The following PSMD4 variants were observed in gnomAD, a reference collection of about 807,000 sequenced individuals.
PSMD4 encodes proteasome 26S subunit ubiquitin receptor, non-ATPase 4.
In PSMD4, 5 loss-of-function variants were observed where a neutral mutation model predicts 39.7. The observed-to-expected ratio is 0.13, with a 90% CI of 0.07 to 0.26. PSMD4 has a LOEUF of 0.26. Ranked by LOEUF, PSMD4 falls within the 10% of genes least tolerant of loss-of-function variation. The pLI, the probability that PSMD4 is intolerant of heterozygous loss-of-function variation, is 1.00. For missense variants in PSMD4, 272 were observed against 486.1 expected, an observed-to-expected ratio of 0.56 and a Z score of 4.14; for synonymous variants, 143 against 174.6, an observed-to-expected ratio of 0.82 and a Z score of 1.43.
intron 1 of PSMD4, among the ~76,000 whole-genome samples, chr1:151,256,371 ATAAAT>A (rs1319142203): frequency 4.2e-5 from 6 of 141,698 alleles, no homozygotes; most frequent in Non-Finnish European, 9.6e-5. Flanking sequence ...AATAAAATAA[ATAAAT>A]AAATAAATAA....
At chr1:151,265,638 C>T in intron 6 of PSMD4, 29 bp downstream of exon 6, 1 of 1,599,734 alleles carries the variant, frequency 6.3e-7, no homozygotes, top group Non-Finnish European at 8.6e-7. Flanking sequence ...CAGGTAGAGT[C>T]CAAAGGTCCC....
Position 151,265,382 on chromosome 1 carries a change from T to C in PSMD4, c.439-12T>C, listed in dbSNP as rs1001068695. 1 of 1,613,614 alleles carries C rather than the reference T, an allele frequency of 6.2e-7. No individual in the cohort carries two copies. The highest frequency in any genetic ancestry group is 1.3e-5 in the African/African-American group (1 of 74,898). On this transcript the variant is annotated splice_polypyrimidine_tract_variant and intron_variant, in intron 5 of 9. Coordinates refer to ENST00000368884, the MANE Select transcript of PSMD4 (RefSeq NM_002810.4). ...GCCTGAAGAAGGGCATCATGTGTTCTTTCCTCCCCAGGAGGTGAACACAGA... is the reference window on the plus strand; with the variant it reads ...GCCTGAAGAAGGGCATCATGTGTTCCTTCCTCCCCAGGAGGTGAACACAGA...
intron 1 of PSMD4, among the ~76,000 whole-genome samples, chr1:151,255,548 G>T (rs923086001): frequency 6.6e-6 from 1 of 152,132 alleles, no homozygotes; most frequent in Non-Finnish European, 1.5e-5. Flanking sequence ...TTTTTGCAGG[G>T]TTTCAAGAGT....
chr1:151,257,029 G>A (rs1188242449), intron 1 of PSMD4, among the ~76,000 whole-genome samples: 2 of 150,414 alleles, frequency 1.3e-5, no homozygotes, highest in African/African-American at 2.5e-5. Context: ...CATTATAGGC[G>A]TGAGCCACTG....
Position 151,265,253 on chromosome 1 carries a change from G to A in PSMD4, c.438+19G>A. ...GGAAGAGGTGAGTAGGGACTGATTG[G>A]AGGGCATTGACTTAATTTGGTCATA... On this transcript the variant is annotated intron_variant, in intron 5 of 9. Coordinates refer to ENST00000368884, the MANE Select transcript of PSMD4 (RefSeq NM_002810.4). 9 of 1,609,146 alleles carry A rather than the reference G, an allele frequency of 5.6e-6. No individual in the cohort carries two copies. Among genetic ancestry groups the A allele is most frequent in the Non-Finnish European group, 7.7e-6 (9 of 1,176,076 alleles).
rs1345508388 is a variant in PSMD4 at position 151,266,124 on chromosome 1, G to A, written c.763+12G>A. ...GACTGGGACTGAAGGTGAAAGAGGT[G>A]GAATCCGAAGTCCTGGGACTGCGGG... On this transcript the variant is annotated intron_variant, in intron 7 of 9. Transcript: ENST00000368884. The A allele has an allele frequency of 3.7e-6, 6 of 1,600,888 alleles. No individual in the cohort carries two copies. In the East Asian group the frequency reaches 1.1e-4, roughly 30 times the overall value.
intron 1 of PSMD4, 118 bp downstream of exon 1, chr1:151,254,926 C>T (rs901731172): frequency 3.1e-6 from 4 of 1,302,832 alleles, no homozygotes; most frequent in Non-Finnish European, 4.0e-6. Flanking sequence ...GGCCCTGGCC[C>T]CGGAGGTAAG....
At chr1:151,256,733 C>T (rs587617766) in intron 1 of PSMD4, among the ~76,000 whole-genome samples, 20 of 150,388 alleles carry the variant, frequency 1.3e-4, no homozygotes, top group Non-Finnish European at 2.5e-4. Context: ...CCACTGTGCC[C>T]GGCTCCTTTG....
At chr1:151,259,708 G>A (rs780706304) in intron 1 of PSMD4, among the ~76,000 whole-genome samples, 31 of 151,506 alleles carry the variant, frequency 2.0e-4, no homozygotes, top group Admixed American at 1.5e-3. Flanking sequence ...GGGCAACAAA[G>A]TGAGACTCCA....
At chr1:151,266,146 C>T (rs778216904) in intron 7 of PSMD4, 34 bp downstream of exon 7, 12 of 1,592,578 alleles carry the variant, frequency 7.5e-6, no homozygotes, top group Non-Finnish European at 1.0e-5. Flanking sequence ...CCTGGGACTG[C>T]GGGATGCTAA....
At chr1:151,264,431 C>A (rs994132025) in intron 3 of PSMD4, among the ~76,000 whole-genome samples, 1 of 151,504 alleles carries the variant, frequency 6.6e-6, no homozygotes, top group Non-Finnish European at 1.5e-5. Flanking sequence ...CCTGACGTCA[C>A]GAGTTCGAGA....
chr1:151,262,377 G>A, intron 2 of PSMD4, 76 bp downstream of exon 2: 2 of 1,578,084 alleles, frequency 1.3e-6, no homozygotes, highest in Non-Finnish European at 1.7e-6. Flanking sequence ...ATTCCATGAA[G>A]CTGCTTTTGC....
chr1:151,265,433 T>C lies in PSMD4; in HGVS notation c.478T>C (p.Leu160=), dbSNP rs371400877. The change falls in exon 6 of 10, where the codon TTG becomes CTG. Residue 160 remains leucine, a synonymous_variant. Coordinates refer to ENST00000368884, the MANE Select transcript of PSMD4 (RefSeq NM_002810.4). ...TEKLTAFVNT[L]NGKDGTGSHL... ...AAAGCTGACAGCCTTTGTAAACACGTTGAATGGCAAAGATGGAACCGGTTC... is the reference window on the plus strand; with the variant it reads ...AAAGCTGACAGCCTTTGTAAACACGCTGAATGGCAAAGATGGAACCGGTTC... The C allele has an allele frequency of 4.3e-6, 7 of 1,614,076 alleles. No homozygotes were observed. The highest frequency in any genetic ancestry group is 5.9e-6 in the Non-Finnish European group (7 of 1,180,044).
Position 151,266,675 on chromosome 1 carries a change from T to A in PSMD4, c.963+88T>A. 2.7e-6 allele frequency: 4 copies of A among 1,470,844 alleles called. No individual in the cohort carries two copies. In the East Asian group the frequency reaches 9.6e-5, roughly 35 times the overall value. The allele number at this position is 1,470,844 out of a possible 1,614,324, so 91.1% of individuals were successfully genotyped here. ...GGGCTGGGAGTATTTCTACCATAGC[T>A]AAGTCCTTTGAGGAGCAGAGGGAAA... On this transcript the variant is annotated intron_variant, in intron 9 of 9. Coordinates refer to ENST00000368884, the MANE Select transcript of PSMD4 (RefSeq NM_002810.4).
At chr1:151,263,025 C>T (rs946122500) in intron 2 of PSMD4, 8 of 152,022 alleles carry the variant, frequency 5.3e-5, no homozygotes, top group African/African-American at 1.9e-4. Context: ...AAATTAGCAT[C>T]GTTATTTTGG....
At chr1:151,258,167 G>A (rs373331719) in intron 1 of PSMD4, among the ~76,000 whole-genome samples, 31 of 152,036 alleles carry the variant, frequency 2.0e-4, no homozygotes, top group African/African-American at 7.2e-4. Flanking sequence ...GGGATTACAG[G>A]TGCGTGCCAC....
At position 151,255,582 on chromosome 1, in the gene PSMD4, T is replaced by G. The variant is rs377377987; in HGVS notation, c.26+774T>G. On this transcript the variant is annotated intron_variant, in intron 1 of 9. Transcript: ENST00000368884. ...GTTCCTTCTAAGTGTAATCACTGAA[T>G]GTAATACAGAATAGTTGACGAACAC... 9.9e-5 allele frequency among the ~76,000 whole-genome samples: 15 copies of G among 152,050 alleles called. 1 individual carries two copies. Among genetic ancestry groups the G allele is most frequent in the African/African-American group, 3.6e-4 (15 of 41,404 alleles).
intron 9 of PSMD4, 133 bp from the exon 10 acceptor site, chr1:151,267,040 C>T (rs1333790039): frequency 3.4e-5 from 37 of 1,085,146 alleles, no homozygotes; most frequent in East Asian, 1.4e-4. Flanking sequence ...TTCCTTACGT[C>T]GACCAGAGGT....
Position 151,254,831 on chromosome 1 carries a change from G to T in PSMD4, c.26+23G>T, listed in dbSNP as rs116826131. 1,722 of 1,505,198 alleles carry T rather than the reference G, an allele frequency of 1.1e-3. 17 individuals carry two copies. In the African/African-American group the frequency reaches 0.02, roughly 17 times the overall value. The allele number at this position is 1,505,198 out of a possible 1,614,324, so 93.2% of individuals were successfully genotyped here. On this transcript the variant is annotated intron_variant, in intron 1 of 9. Coordinates refer to ENST00000368884, the MANE Select transcript of PSMD4 (RefSeq NM_002810.4). ...GTGGTGAGGAGCTACTTCGGGGCAGGAGGGGCAGAGCTGGGTTCCGGGCGC... is the reference window on the plus strand; with the variant it reads ...GTGGTGAGGAGCTACTTCGGGGCAGTAGGGGCAGAGCTGGGTTCCGGGCGC...
Sources: allele counts gnomAD v4.1 joint callset (sites outside exome capture counted in the v4.1 genomes callset), GRCh38; gene constraint gnomAD v4.1.1; transcripts MANE v1.5; gene names NCBI Gene and HGNC (gene_info 2026-07-23, HGNC 2026-07-21).